Variants in GALNT11 observed in about 807,000 individuals in gnomAD.
The protein encoded by GALNT11 is UDP-GalNAc:polypeptide N-acetylgalactosaminyltransferase 11.
In GALNT11, 47 loss-of-function variants were observed where a neutral mutation model predicts 72.7. The observed-to-expected ratio is 0.65, with a 90% CI of 0.51 to 0.82. GALNT11 has a LOEUF of 0.82. Among genes scored for constraint, GALNT11 ranks in the 40% least tolerant of loss-of-function variants. GALNT11 has a pLI of 0.00. For missense variants in GALNT11, 677 were observed against 778.4 expected, an observed-to-expected ratio of 0.87 and a Z score of 1.55; for synonymous variants, 270 against 286.6, an observed-to-expected ratio of 0.94 and a Z score of 0.58.
At chr7:152,065,371 C>T (rs1204071604) in intron 1 of GALNT11, among the ~76,000 whole-genome samples, 1 of 152,192 alleles carries the variant, frequency 6.6e-6, no homozygotes, top group Non-Finnish European at 1.5e-5. Context: ...AGGTTTTTAG[C>T]TTCTTTGCGA....
intron 1 of GALNT11, among the ~76,000 whole-genome samples, chr7:152,028,023 CACTG>C (rs1236770026): frequency 1.3e-5 from 2 of 152,164 alleles, no homozygotes; most frequent in Admixed American, 6.5e-5. Flanking sequence ...TTTGTGGTCT[CACTG>C]ACTTCAGGAG....
rs544621373 is a variant in GALNT11, at chr7:152,043,567, C to T, written c.-39+17683C>T. ...GGGGTGTACTCTAACAGGGAACTGC[C>T]AAGCCTCTAAATCACCCTCTCATCT... On this transcript the variant is annotated intron_variant, in intron 1 of 11. Transcript: ENST00000430044. 6.6e-5 allele frequency among the ~76,000 whole-genome samples: 10 copies of T among 152,294 alleles called. No homozygotes were observed. In the South Asian group the frequency reaches 2.1e-3, roughly 32 times the overall value.
At chr7:152,099,086 C>T (rs1394236505) in intron 2 of GALNT11, among the ~76,000 whole-genome samples, 9 of 151,578 alleles carry the variant, frequency 5.9e-5, no homozygotes, top group African/African-American at 2.2e-4. Context: ...GGATTACAGG[C>T]GTGTGCCACC....
intron 9 of GALNT11, 35 bp from the exon 10 acceptor site, chr7:152,118,643 G>A: frequency 6.3e-7 from 1 of 1,589,260 alleles, no homozygotes; most frequent in Non-Finnish European, 8.6e-7. Flanking sequence ...CTCTGGGATT[G>A]TTTCCCACAT....
chr7:152,029,528 T>C (rs191725959), intron 1 of GALNT11, among the ~76,000 whole-genome samples: 47 of 152,316 alleles, frequency 3.1e-4, no homozygotes, highest in African/African-American at 1.1e-3. Flanking sequence ...TTGAAAACCT[T>C]GTAAGTTTGG....
chr7:152,033,647 G>C (rs1034436480), intron 1 of GALNT11, among the ~76,000 whole-genome samples: 2 of 152,178 alleles, frequency 1.3e-5, no homozygotes, highest in African/African-American at 2.4e-5. Context: ...TCCTTTCCTT[G>C]AGTTATGGTA....
chr7:152,035,776 A>C (rs1318852124), intron 1 of GALNT11, among the ~76,000 whole-genome samples: 1 of 152,204 alleles, frequency 6.6e-6, no homozygotes, highest in Non-Finnish European at 1.5e-5. Flanking sequence ...TTCTAAGGGA[A>C]AACAGGACAG....
intron 1 of GALNT11, among the ~76,000 whole-genome samples, chr7:152,077,474 C>G (rs909793705): frequency 6.6e-6 from 1 of 152,072 alleles, no homozygotes; most frequent in South Asian, 2.1e-4. Context: ...GGGTAAGAAT[C>G]CTGGTGAGCC....
Position 152,103,242 on chromosome 7 carries a change from C to T in GALNT11, c.550C>T (p.His184Tyr). 1.2e-6 allele frequency: 2 copies of T among 1,613,742 alleles called. No individual in the cohort carries two copies. The highest frequency in any genetic ancestry group is 1.7e-6 in the Non-Finnish European group (2 of 1,179,692). Reference protein sequence around the residue: ...VIDRTPAHLLHEIILVDDDSD... With the variant: ...VIDRTPAHLLYEIILVDDDSD... ...AGACCGCACGCCAGCACACCTGCTT[C>T]ATGAGATCATCCTTGTGGATGATGA... The change falls in exon 4 of 12, where the codon CAT (histidine) becomes TAT (tyrosine). Residue 184 changes from histidine to tyrosine, a missense_variant. By Grantham distance (83) the His-to-Tyr change is moderately conservative. Transcript: ENST00000430044.
intron 1 of GALNT11, among the ~76,000 whole-genome samples, chr7:152,029,704 G>A (rs188893993): frequency 2.1e-4 from 32 of 152,340 alleles, no homozygotes; most frequent in African/African-American, 7.2e-4. Context: ...TCCTAACTCT[G>A]CTTCTACAGT....
intron 3 of GALNT11, among the ~76,000 whole-genome samples, chr7:152,101,310 C>T (rs1379678749): frequency 6.6e-6 from 1 of 152,092 alleles, no homozygotes; most frequent in African/African-American, 2.4e-5. Flanking sequence ...AAAGGCTTTT[C>T]GTGCATGTGG....
intron 2 of GALNT11, among the ~76,000 whole-genome samples, chr7:152,096,358 A>G (rs896494580): frequency 1.3e-5 from 2 of 152,222 alleles, no homozygotes; most frequent in African/African-American, 2.4e-5. Flanking sequence ...AGACTTTCCA[A>G]TTTTAAAAAT....
At chr7:152,104,758 G>A (rs2087343903) in intron 4 of GALNT11, 1 of 152,192 alleles carries the variant, frequency 6.6e-6, no homozygotes. Context: ...GAAGAAAGAT[G>A]CTAAATTAAT....
At chr7:152,058,926 T>G (rs548884837) in intron 1 of GALNT11, among the ~76,000 whole-genome samples, 1 of 152,324 alleles carries the variant, frequency 6.6e-6, no homozygotes, top group Non-Finnish European at 1.5e-5. Flanking sequence ...CTGGTTCTCT[T>G]GCTATTTCCA....
At chr7:152,028,234 T>C (rs1246448445) in intron 1 of GALNT11, among the ~76,000 whole-genome samples, 1 of 152,248 alleles carries the variant, frequency 6.6e-6, no homozygotes, top group Non-Finnish European at 1.5e-5. Flanking sequence ...CACATCCTGC[T>C]GATTGGTCCA....
intron 2 of GALNT11, among the ~76,000 whole-genome samples, chr7:152,098,726 A>G (rs1385480240): frequency 1.3e-5 from 2 of 152,110 alleles, no homozygotes; most frequent in African/African-American, 2.4e-5. Flanking sequence ...GTATCAAGCA[A>G]TTTTAGTTTT....
chr7:152,108,163 G>A lies in GALNT11; in HGVS notation c.838G>A (p.Asp280Asn), dbSNP rs768669612. 1.4e-5 allele frequency: 22 copies of A among 1,613,968 alleles called. No individual in the cohort carries two copies. The highest frequency in any genetic ancestry group is 1.3e-4 in the African/African-American group (10 of 74,884). Residue 280 changes from aspartate (D) to asparagine (N), a missense_variant, in exon 6 of 12, where the codon GAC becomes AAC. By Grantham distance (23) the Asp-to-Asn change is conservative. Transcript: ENST00000430044. ...CCCAGTGATTGACATCATCAGCGCCGACACGCTGGCCTACAGCTCGTCCCC... is the reference window on the plus strand; with the variant it reads ...CCCAGTGATTGACATCATCAGCGCCAACACGCTGGCCTACAGCTCGTCCCC... Reference protein sequence around the residue: ...VCPVIDIISADTLAYSSSPVV... With the variant: ...VCPVIDIISANTLAYSSSPVV...
chr7:152,070,524 C>G (rs2084575470), intron 1 of GALNT11, among the ~76,000 whole-genome samples: 1 of 152,116 alleles, frequency 6.6e-6, no homozygotes, highest in African/African-American at 2.4e-5. Flanking sequence ...ACCTGCAGTC[C>G]TTGGCTTGTG....
At position 152,093,540 on chromosome 7, in the gene GALNT11, C is replaced by T. The variant is rs555609404; in HGVS notation, c.-38-650C>T. Reference sequence around the variant, plus strand: ...TCCCGGGTTCAAGAGGTTCTGCAGCCTCAGCCTCCCAAGTAGCTGGGATTA... The same window carrying T: ...TCCCGGGTTCAAGAGGTTCTGCAGCTTCAGCCTCCCAAGTAGCTGGGATTA... On this transcript the variant is annotated intron_variant, in intron 1 of 11. Coordinates refer to ENST00000430044, the MANE Select transcript of GALNT11 (RefSeq NM_022087.4). Among the ~76,000 whole-genome samples, 34 of 152,234 alleles carry T rather than the reference C, an allele frequency of 2.2e-4. 1 individual carries two copies. The South Asian group carries it at 6.6e-3, about 30-fold the overall frequency.
Sources: gnomAD v4.1 joint callset for allele counts (sites outside exome capture counted in the v4.1 genomes callset) on GRCh38, gnomAD v4.1.1 for gene constraint, MANE v1.5 for transcripts, NCBI Gene and HGNC (gene_info 2026-07-23, HGNC 2026-07-21) for gene names.